The following SIRPA variants were observed in gnomAD, a reference collection of about 807,000 sequenced individuals.
SIRPA encodes tyrosine-protein phosphatase non-receptor type substrate 1.
In SIRPA, 9 loss-of-function variants were observed where a neutral mutation model predicts 50.3. That is an observed-to-expected ratio of 0.18 (90% CI 0.11 to 0.31). SIRPA has a LOEUF of 0.31. Ranked by LOEUF, SIRPA falls within the 10% of genes least tolerant of loss-of-function variation. The pLI is 1.00. For synonymous variants in SIRPA, 265 were observed against 284.1 expected, an observed-to-expected ratio of 0.93 and a Z score of 0.68; for missense variants, 474 against 661.6, an observed-to-expected ratio of 0.72 and a Z score of 3.11.
intron 1 of SIRPA, among the ~76,000 whole-genome samples, chr20:1,904,277 C>T (rs964394860): frequency 2.8e-4 from 43 of 152,188 alleles, no homozygotes; most frequent in Admixed American, 5.9e-4. Context: ...ATTCTGGCTA[C>T]GCAAACTGCT....
chr20:1,922,989 A>T (rs938315083), intron 4 of SIRPA, among the ~76,000 whole-genome samples: 1 of 151,368 alleles, frequency 6.6e-6, no homozygotes, highest in Non-Finnish European at 1.5e-5. Flanking sequence ...CCTCTTCCCT[A>T]CTCTTTCTAG....
chr20:1,922,612 C>T lies in SIRPA; in HGVS notation c.1054C>T (p.His352Tyr), dbSNP rs1251879296. The T allele has an allele frequency of 1.2e-6, 2 of 1,613,550 alleles. No individual in the cohort carries two copies. The highest frequency in any genetic ancestry group is 1.7e-6 in the Non-Finnish European group (2 of 1,179,752). ...AAGCCATGACCTGAAGGTCTCAGCC[C>T]ACCCGAAGGAGCAGGGCTCAAATAC... ...SKSHDLKVSA[H>Y]PKEQGSNTAA... is the part of the protein sequence containing the mutation. Residue 352 changes from histidine to tyrosine, a missense_variant, in exon 4 of 8, where the codon CAC becomes TAC. By Grantham distance (83) the His-to-Tyr change is moderately conservative (BLOSUM62 2). Transcript: ENST00000358771.
In SIRPA at chr20:1,937,840, T is replaced by G; in HGVS notation, c.*272T>G. 3.9e-6 allele frequency: 2 copies of G among 515,730 alleles called. No individual in the cohort carries two copies. The highest frequency in any genetic ancestry group is 6.3e-5 in the East Asian group (2 of 31,504). 31.9% of individuals were successfully genotyped at this position (515,730 alleles called of 1,614,324 possible). On this transcript the variant is annotated 3_prime_UTR_variant, in exon 8 of 8. Transcript: ENST00000358771. The surrounding 1 kb of genome is among the most constrained non-coding windows in gnomAD (Gnocchi z 8.3). ...AACCAACCTGGGAAGTGGCCAGAAC[T>G]GCCTGGGGTCCAAGAACTCTTGTGC...
At chr20:1,912,867 C>T (rs1410910118) in intron 1 of SIRPA, among the ~76,000 whole-genome samples, 2 of 152,230 alleles carry the variant, frequency 1.3e-5, no homozygotes, top group African/African-American at 4.8e-5. Context: ...GGCTGAAATA[C>T]AGACCTATCC....
intron 1 of SIRPA, among the ~76,000 whole-genome samples, chr20:1,907,906 A>G (rs1453333556): frequency 6.6e-6 from 1 of 152,222 alleles, no homozygotes; most frequent in Non-Finnish European, 1.5e-5. Context: ...CCACTGGTGC[A>G]GCCCCGGCCA....
At chr20:1,901,259 C>T (rs1181464042) in intron 1 of SIRPA, among the ~76,000 whole-genome samples, 2 of 149,138 alleles carry the variant, frequency 1.3e-5, no homozygotes, top group Admixed American at 6.8e-5. Context: ...CAGCCTCTGC[C>T]TCCTGGGTCC....
intron 2 of SIRPA, among the ~76,000 whole-genome samples, chr20:1,920,002 T>C (rs904949765): frequency 3.4e-4 from 52 of 152,200 alleles, no homozygotes; most frequent in African/African-American, 1.2e-3. Context: ...GGTCATTTAT[T>C]AAGCACCTGC....
In SIRPA at chr20:1,899,759, C is replaced by T. The variant is rs79559234; in HGVS notation, c.79+4233C>T. On this transcript the variant is annotated intron_variant, in intron 1 of 7. Transcript: ENST00000358771. ...AAGACCCCTGGGTGTTGATCTGAGCCCTGCTACTGACTTGGACAATTTGCA... is the reference window on the plus strand; with the variant it reads ...AAGACCCCTGGGTGTTGATCTGAGCTCTGCTACTGACTTGGACAATTTGCA... Among the ~76,000 whole-genome samples the T allele has an allele frequency of 9.3e-3, 1,415 of 152,142 alleles. 20 individuals carry two copies. The highest frequency in any genetic ancestry group is 0.032 in the African/African-American group (1,331 of 41,492).
chr20:1,922,548 C>T lies in SIRPA; in HGVS notation c.990C>T (p.Thr330=), dbSNP rs751230675. The T allele has an allele frequency of 6.2e-7, 1 of 1,614,230 alleles. No homozygotes were observed. Among genetic ancestry groups the T allele is most frequent in the Non-Finnish European group, 8.5e-7 (1 of 1,180,044 alleles). Residue 330 remains threonine, a synonymous_variant, in exon 4 of 8, where the codon ACC becomes ACT. Transcript: ENST00000358771. ...CCCACAGGGATGATGTGAAGCTCAC[C>T]TGCCAGGTGGAGCATGACGGGCAGC... ...VSAHRDDVKL[T]CQVEHDGQPA... is the part of the protein sequence containing the mutation.
chr20:1,900,103 CTTTTTTTTTTTT>C (rs11481009), intron 1 of SIRPA, among the ~76,000 whole-genome samples: 2 of 127,188 alleles, frequency 1.6e-5, no homozygotes, highest in South Asian at 2.5e-4. Context: ...TTTTTTTTTT[CTTTTTTTTTTTT>C]TTGAGATGGA....
At chr20:1,909,116 C>T (rs1348838052) in intron 1 of SIRPA, among the ~76,000 whole-genome samples, 2 of 152,202 alleles carry the variant, frequency 1.3e-5, no homozygotes, top group Admixed American at 6.5e-5. Flanking sequence ...AGAAGGGAGC[C>T]GGGTATCACT....
intron 2 of SIRPA, among the ~76,000 whole-genome samples, chr20:1,918,937 G>T (rs936699747): frequency 6.6e-6 from 1 of 152,212 alleles, no homozygotes; most frequent in East Asian, 1.9e-4. Context: ...CCTGGGACAA[G>T]GCACTCCACC....
chr20:1,934,797 C>T lies in SIRPA; in HGVS notation c.1266+43C>T, dbSNP rs910963836. 9 of 1,609,492 alleles carry T rather than the reference C, an allele frequency of 5.6e-6. No individual in the cohort carries two copies. The highest frequency in any genetic ancestry group is 5.3e-5 in the African/African-American group (4 of 74,800). ...ATGCCCTTCCTGGGAAACTCCGTGG[C>T]GTGGTTGCTTCACATCAACCGGAAT... On this transcript the variant is annotated intron_variant, in intron 7 of 7. Transcript: ENST00000358771. This position sits in a 1 kb window ranked among gnomAD's most constrained non-coding sequence, Gnocchi z 4.6.
At chr20:1,905,808 C>G (rs1005717847) in intron 1 of SIRPA, among the ~76,000 whole-genome samples, 4 of 152,240 alleles carry the variant, frequency 2.6e-5, no homozygotes, top group African/African-American at 9.6e-5. Context: ...GGTCACACTG[C>G]AAGCATCGCT....
chr20:1,914,400 A>C (rs1985095517), intron 1 of SIRPA, among the ~76,000 whole-genome samples: 1 of 152,192 alleles, frequency 6.6e-6, no homozygotes, highest in Non-Finnish European at 1.5e-5. Flanking sequence ...AGATCCATCG[A>C]GGTGGGGTCA....
At chr20:1,913,669 C>T (rs6075339) in intron 1 of SIRPA, among the ~76,000 whole-genome samples, 56,015 of 152,004 alleles carry the variant, frequency 0.37, 10,664 homozygotes, top group East Asian at 0.66. Flanking sequence ...TATTCTAGCT[C>T]GCTCTCTCAC....
upstream of SIRPA, among the ~76,000 whole-genome samples, chr20:1,895,014 G>A (rs997802751): frequency 6.7e-6 from 1 of 148,674 alleles, no homozygotes; most frequent in Non-Finnish European, 1.5e-5. Context: ...CGGCCGTGCT[G>A]CCCCTCGCCC....
rs1042013286 is a variant in SIRPA at position 1,937,848 on chromosome 20, G to A, written c.*280G>A. ...TGGGAAGTGGCCAGAACTGCCTGGG[G>A]TCCAAGAACTCTTGTGCCTCCGTCC... On this transcript the variant is annotated 3_prime_UTR_variant, in exon 8 of 8. Transcript: ENST00000358771. This position sits in a 1 kb window ranked among gnomAD's most constrained non-coding sequence, Gnocchi z 8.3. 1.3e-5 allele frequency: 6 copies of A among 478,660 alleles called. No homozygotes were observed. The highest frequency in any genetic ancestry group is 9.6e-5 in the African/African-American group (5 of 52,060). 29.7% of individuals were successfully genotyped at this position (478,660 alleles called of 1,614,324 possible).
chr20:1,911,939 A>G (rs1006286760), intron 1 of SIRPA, among the ~76,000 whole-genome samples: 7 of 151,082 alleles, frequency 4.6e-5, no homozygotes, highest in African/African-American at 1.7e-4. Context: ...AAAAGAAAGC[A>G]AGCAAGGAAA....
Sources: gnomAD v4.1 joint callset for allele counts (sites outside exome capture counted in the v4.1 genomes callset) on GRCh38, gnomAD v4.1.1 for gene constraint, Gnocchi (gnomAD v3.1) non-coding constraint, MANE v1.5 for transcripts, NCBI Gene and HGNC (gene_info 2026-07-23, HGNC 2026-07-21) for gene names.